The following NRG3 variants were observed in gnomAD, a reference collection of about 807,000 sequenced individuals.
NRG3 encodes the protein pro-neuregulin-3, membrane-bound isoform.
Under a neutral mutation model 66.9 loss-of-function variants are expected in NRG3, and 31 were observed. The observed-to-expected ratio is 0.46, with a 90% CI of 0.35 to 0.63. The LOEUF is 0.63. Ranked by LOEUF, NRG3 falls within the 20% of genes least tolerant of loss-of-function variation. The pLI is 0.00. For synonymous variants in NRG3, 393 were observed against 359.4 expected (o/e 1.09, Z -1.06); for missense variants, 910 against 878.9 (o/e 1.04, Z -0.45).
At chr10:81,964,981 C>T (rs1455256000) in intron 1 of NRG3, among the ~76,000 whole-genome samples, 2 of 151,960 alleles carry the variant, frequency 1.3e-5, no homozygotes, top group African/African-American at 4.8e-5. Flanking sequence ...TATTCTTGGG[C>T]CCAAACATAT....
At chr10:82,328,822 C>T (rs995407783) in intron 1 of NRG3, among the ~76,000 whole-genome samples, 2 of 152,168 alleles carry the variant, frequency 1.3e-5, no homozygotes, top group Non-Finnish European at 2.9e-5. Flanking sequence ...GATGTAGGAG[C>T]ATACTAGAAG....
intron 2 of NRG3, among the ~76,000 whole-genome samples, chr10:82,722,333 A>G (rs2134525967): frequency 6.6e-6 from 1 of 152,288 alleles, no homozygotes; most frequent in African/African-American, 2.4e-5. Flanking sequence ...TAATTTGAAT[A>G]TTATATTTTT....
At chr10:82,011,581 A>G (rs1190980316) in intron 1 of NRG3, among the ~76,000 whole-genome samples, 1 of 152,174 alleles carries the variant, frequency 6.6e-6, no homozygotes, top group East Asian at 1.9e-4. Flanking sequence ...AGTCCCTTCC[A>G]CCTATGAGCC....
chr10:82,045,087 T>A (rs538361095), intron 1 of NRG3, among the ~76,000 whole-genome samples: 98 of 147,614 alleles, frequency 6.6e-4, no homozygotes, highest in African/African-American at 2.2e-3. Context: ...TACCCAGTAA[T>A]GGGATGGCTG....
chr10:82,984,691 A>T, intron 8 of NRG3: 2 of 1,326,272 alleles, frequency 1.5e-6, no homozygotes, highest in Non-Finnish European at 2.1e-6. Context: ...GGTCGAGTTG[A>T]TGGAGTGGAC....
rs1052326355 is a variant in NRG3 at position 82,653,214 on chromosome 10, G to A, written c.954-85363G>A. 4.6e-5 allele frequency among the ~76,000 whole-genome samples: 7 copies of A among 152,290 alleles called. No homozygotes were observed. The East Asian group carries it at 1.2e-3, about 25-fold the overall frequency. Reference sequence around the variant, plus strand: ...AAGATTTCCAGGAATAATTAAGAGTGCTGAATGAGGCAGCAAGGCCTTATG... The same window carrying A: ...AAGATTTCCAGGAATAATTAAGAGTACTGAATGAGGCAGCAAGGCCTTATG... On this transcript the variant is annotated intron_variant, in intron 2 of 8. Coordinates refer to ENST00000372141, the MANE Select transcript of NRG3 (RefSeq NM_001010848.4).
At chr10:82,877,489 G>T (rs971881155) in intron 4 of NRG3, among the ~76,000 whole-genome samples, 1 of 143,764 alleles carries the variant, frequency 7.0e-6, no homozygotes, top group African/African-American at 2.6e-5. Flanking sequence ...AAGCAATTCT[G>T]CAGCCTCCTG....
intron 4 of NRG3, among the ~76,000 whole-genome samples, chr10:82,866,420 T>G (rs1840746852): frequency 6.6e-6 from 1 of 152,176 alleles, no homozygotes. Context: ...AAGTTGGTGG[T>G]TGTATTGTTG....
chr10:81,951,781 C>G (rs1163423416), intron 1 of NRG3, among the ~76,000 whole-genome samples: 1 of 152,138 alleles, frequency 6.6e-6, no homozygotes. Context: ...GGTATATACC[C>G]AAAGGATTAT....
chr10:82,472,901 T>A (rs1436321920), intron 2 of NRG3, among the ~76,000 whole-genome samples: 3 of 152,226 alleles, frequency 2.0e-5, no homozygotes, highest in African/African-American at 7.2e-5. Flanking sequence ...GGCACAATGC[T>A]GCCTTTTCTG....
chr10:82,455,477 A>G (rs1485480973), intron 2 of NRG3, among the ~76,000 whole-genome samples: 1 of 152,208 alleles, frequency 6.6e-6, no homozygotes, highest in East Asian at 1.9e-4. Context: ...ACCATTGTAC[A>G]GGGCACTTAC....
intron 2 of NRG3, among the ~76,000 whole-genome samples, chr10:82,711,329 C>T (rs147874915): frequency 0.011 from 1,642 of 152,138 alleles, 30 homozygotes; most frequent in African/African-American, 0.038. Flanking sequence ...TCAAGTTTTC[C>T]TCTCACCTTT....
chr10:82,353,446 TA>T (rs1469950538), intron 1 of NRG3, among the ~76,000 whole-genome samples: 1 of 152,200 alleles, frequency 6.6e-6, no homozygotes, highest in African/African-American at 2.4e-5. Flanking sequence ...ATTTTGCCTT[TA>T]ATGAATTCAC....
At chr10:82,533,344 A>T (rs1289492416) in intron 2 of NRG3, among the ~76,000 whole-genome samples, 2 of 152,020 alleles carry the variant, frequency 1.3e-5, no homozygotes, top group Non-Finnish European at 1.5e-5. Context: ...TTTTGGTATT[A>T]TATCTGTGAA....
chr10:82,768,590 T>G (rs1810439533), intron 3 of NRG3, among the ~76,000 whole-genome samples: 1 of 152,158 alleles, frequency 6.6e-6, no homozygotes, highest in African/African-American at 2.4e-5. Context: ...TTTCATCTCT[T>G]CAAGAAAACA....
intron 2 of NRG3, among the ~76,000 whole-genome samples, chr10:82,477,935 A>G (rs1841930773): frequency 6.6e-6 from 1 of 152,206 alleles, no homozygotes; most frequent in Non-Finnish European, 1.5e-5. Flanking sequence ...CCAAGTGTGC[A>G]ATGATGTAAG....
chr10:82,706,243 A>G (rs2056277682), intron 2 of NRG3, among the ~76,000 whole-genome samples: 1 of 152,172 alleles, frequency 6.6e-6, no homozygotes, highest in African/African-American at 2.4e-5. Flanking sequence ...GGGCAACAGA[A>G]GGCATACCTC....
At chr10:82,517,016 A>T (rs970746925) in intron 2 of NRG3, among the ~76,000 whole-genome samples, 11 of 152,148 alleles carry the variant, frequency 7.2e-5, no homozygotes, top group Admixed American at 3.3e-4. Context: ...CAAGTTTTTA[A>T]TTTTTTTAAA....
At chr10:82,390,320 T>A (rs1045588977) in intron 2 of NRG3, among the ~76,000 whole-genome samples, 4 of 151,720 alleles carry the variant, frequency 2.6e-5, no homozygotes, top group African/African-American at 9.7e-5. Context: ...TGAGTTAAAG[T>A]CAAGTTTGTT....
Sources: gnomAD v4.1 joint callset for allele counts (sites outside exome capture counted in the v4.1 genomes callset) on GRCh38, gnomAD v4.1.1 for gene constraint, MANE v1.5 for transcripts, NCBI Gene and HGNC (gene_info 2026-07-23, HGNC 2026-07-21) for gene names.